WDR17: variants seen among roughly 807,000 people sequenced by gnomAD.
WDR17 encodes the protein WD repeat-containing protein 17.
A neutral mutation model predicts 161.7 loss-of-function variants in WDR17; 143 were observed. The observed-to-expected ratio is 0.88, with a 90% CI of 0.77 to 1.02. The LOEUF is 1.02. Among genes scored for constraint, WDR17 ranks in the 50% least tolerant of loss-of-function variants. The pLI is 0.00. For synonymous variants in WDR17, 517 were observed against 515.6 expected, an observed-to-expected ratio of 1.00 and a Z score of -0.04; for missense variants, 1,469 against 1,520.9, an observed-to-expected ratio of 0.97 and a Z score of 0.57.
chr4:176,103,179 A>G (rs1422802778), intron 1 of WDR17, among the ~76,000 whole-genome samples: 4 of 152,170 alleles, frequency 2.6e-5, no homozygotes, highest in Admixed American at 2.0e-4. Context: ...GCAACTGCCT[A>G]TACAAAGAAA....
At chr4:176,097,742 TACACAC>T (rs35130339) in intron 1 of WDR17, among the ~76,000 whole-genome samples, 1,836 of 143,234 alleles carry the variant, frequency 0.013, 20 homozygotes, top group Non-Finnish European at 0.019. Context: ...CACACACACA[TACACAC>T]ACACACACAC....
intron 12 of WDR17, among the ~76,000 whole-genome samples, chr4:176,147,477 G>A (rs907038495): frequency 2.0e-5 from 3 of 152,184 alleles, no homozygotes; most frequent in South Asian, 2.1e-4. Flanking sequence ...CACTGACCAA[G>A]CAACTTATAT....
chr4:176,164,979 G>A (rs1468765920), intron 22 of WDR17, among the ~76,000 whole-genome samples: 1 of 152,024 alleles, frequency 6.6e-6, no homozygotes, highest in Non-Finnish European at 1.5e-5. Context: ...CTGATTTCAT[G>A]CTAAAAGTCA....
chr4:176,097,292 CA>C (rs949812165), intron 1 of WDR17, among the ~76,000 whole-genome samples: 1 of 151,638 alleles, frequency 6.6e-6, no homozygotes, highest in African/African-American at 2.4e-5. Context: ...ATTAGTGGGA[CA>C]AAAAAACCAG....
chr4:176,152,617 AAAAAAG>A (rs1747379863), intron 17 of WDR17, among the ~76,000 whole-genome samples: 2 of 149,390 alleles, frequency 1.3e-5, no homozygotes, highest in Admixed American at 6.7e-5. Flanking sequence ...AAAAAAAAAA[AAAAAAG>A]GGAAAGAAAT....
intron 23 of WDR17, among the ~76,000 whole-genome samples, chr4:176,170,994 A>G (rs1750654510): frequency 6.6e-6 from 1 of 152,230 alleles, no homozygotes. Flanking sequence ...ATTAGGCTAC[A>G]GTTGGACAAA....
At chr4:176,120,288 T>TTATATATATATATATATA (rs33940735) in intron 4 of WDR17, among the ~76,000 whole-genome samples, 191 bp downstream of exon 4, 98 of 136,492 alleles carry the variant, frequency 7.2e-4, no homozygotes, top group Middle Eastern at 3.9e-3. Context: ...ATTTGAAGTT[T>TTATATATATATATATATA]TATATATATA....
intron 1 of WDR17, among the ~76,000 whole-genome samples, chr4:176,102,425 G>A (rs1215940019): frequency 6.6e-6 from 1 of 152,168 alleles, no homozygotes. Context: ...TCTTATGGAA[G>A]ACAGTTTGAT....
Position 176,131,729 on chromosome 4 carries a change from T to C in WDR17, c.1089T>C (p.Leu363=). The C allele has an allele frequency of 2.5e-6, 4 of 1,610,800 alleles. No homozygotes were observed. Among genetic ancestry groups the C allele is most frequent in the Non-Finnish European group, 3.4e-6 (4 of 1,178,674 alleles). ...YDMGAKKWDF[L]RDLGHVETIF... ...TGGGAGCTAAGAAGTGGGATTTTCT[T>C]AGAGACTTGGTATGTATGTAGTCAT... The change falls in exon 7 of 29, where the codon CTT becomes CTC. Residue 363 remains leucine (L), a synonymous_variant. Coordinates refer to ENST00000508596, the MANE Select transcript of WDR17 (RefSeq NM_181265.4).
At chr4:176,163,111 C>A in intron 21 of WDR17, 43 bp from the exon 22 acceptor site, 1 of 1,613,212 alleles carries the variant, frequency 6.2e-7, no homozygotes, top group Non-Finnish European at 8.5e-7. Context: ...TGATCCTACC[C>A]AGCTTCTATG....
chr4:176,131,733 G>A lies in WDR17; in HGVS notation c.1093G>A (p.Asp365Asn). The change falls in exon 7 of 29, where the codon GAC (aspartate) becomes AAC (asparagine). Residue 365 changes from aspartate (D) to asparagine (N), a missense_variant. Transcript: ENST00000508596. ...MGAKKWDFLR[D>N]LGHVETIFDC... ...AGCTAAGAAGTGGGATTTTCTTAGA[G>A]ACTTGGTATGTATGTAGTCATTCCT... 6.2e-7 allele frequency: 1 copy of A among 1,609,898 alleles called. No individual in the cohort carries two copies. Among genetic ancestry groups the A allele is most frequent in the Non-Finnish European group, 8.5e-7 (1 of 1,178,258 alleles).
At chr4:176,112,518 A>AG (rs1309950529) in intron 2 of WDR17, among the ~76,000 whole-genome samples, 1 of 152,214 alleles carries the variant, frequency 6.6e-6, no homozygotes, top group Non-Finnish European at 1.5e-5. Flanking sequence ...TGTTCCAGTT[A>AG]TACCAAACCA....
intron 22 of WDR17, among the ~76,000 whole-genome samples, chr4:176,163,695 A>C (rs544601094): frequency 6.6e-6 from 1 of 152,202 alleles, no homozygotes; most frequent in Non-Finnish European, 1.5e-5. Flanking sequence ...TAAAGCAACA[A>C]CAAAAAATGG....
At position 176,162,193 on chromosome 4, in the gene WDR17, G is replaced by C; in HGVS notation, c.2850+19G>C. 6.2e-7 allele frequency: 1 copy of C among 1,603,248 alleles called. No individual in the cohort carries two copies. The highest frequency in any genetic ancestry group is 8.5e-7 in the Non-Finnish European group (1 of 1,174,416). ...TATTGAGGTACGACATTTAAAACTGGTTTATGTGAATGAAAAGTTTTTTAG... is the reference window on the plus strand; with the variant it reads ...TATTGAGGTACGACATTTAAAACTGCTTTATGTGAATGAAAAGTTTTTTAG... On this transcript the variant is annotated intron_variant, in intron 21 of 28. Coordinates refer to ENST00000508596, the MANE Select transcript of WDR17 (RefSeq NM_181265.4).
chr4:176,161,111 C>T, intron 20 of WDR17, 109 bp downstream of exon 20: 1 of 761,798 alleles, frequency 1.3e-6, no homozygotes, highest in Non-Finnish European at 2.0e-6. Flanking sequence ...GACTTGACTG[C>T]CTCAACCGCA....
chr4:176,123,655 G>T (rs928546206), intron 4 of WDR17, among the ~76,000 whole-genome samples: 2 of 152,184 alleles, frequency 1.3e-5, no homozygotes. Flanking sequence ...AAAGGACATG[G>T]GGCTTCCGTG....
intron 5 of WDR17, among the ~76,000 whole-genome samples, chr4:176,126,501 C>T (rs1462184852): frequency 6.6e-6 from 1 of 152,122 alleles, no homozygotes. Flanking sequence ...AATAGTGACG[C>T]CACCCTGTAT....
chr4:176,158,330 A>G (rs1490296605), intron 18 of WDR17, among the ~76,000 whole-genome samples: 2 of 152,154 alleles, frequency 1.3e-5, no homozygotes, highest in Admixed American at 6.6e-5. Flanking sequence ...GACAAATTTG[A>G]TATATCTAGG....
intron 1 of WDR17, among the ~76,000 whole-genome samples, chr4:176,077,206 A>G (rs1252008236): frequency 5.4e-5 from 8 of 147,666 alleles, no homozygotes; most frequent in African/African-American, 1.8e-4. Context: ...GTCACTGAGT[A>G]AATATAAGGG....
Sources: gnomAD v4.1 joint callset for allele counts (sites outside exome capture counted in the v4.1 genomes callset) on GRCh38, gnomAD v4.1.1 for gene constraint, MANE v1.5 for transcripts, NCBI Gene and HGNC (gene_info 2026-07-23, HGNC 2026-07-21) for gene names.